Variants in OR6P1 observed in about 807,000 individuals in gnomAD.
OR6P1 encodes olfactory receptor family 6 subfamily P member 1.
Under a neutral mutation model 6.6 loss-of-function variants are expected in OR6P1, and 5 were observed. The ratio of observed to expected loss-of-function variants is 0.76; its 90% CI spans 0.40 to 1.60. The LOEUF (loss-of-function observed/expected upper bound fraction) is 1.60. OR6P1 is among the 40% of genes most tolerant of loss of function. The pLI, the probability that OR6P1 is intolerant of heterozygous loss-of-function variation, is 0.02. For missense variants in OR6P1, 451 were observed against 383.0 expected (o/e 1.18, Z -1.48); for synonymous variants, 177 against 149.6 (o/e 1.18, Z -1.33).
Position 158,562,693 on chromosome 1 carries a change from T to A in OR6P1, c.912A>T (p.Thr304=). The change falls in exon 3 of 3, where the codon ACA becomes ACT. Residue 304 remains threonine, a synonymous_variant. Coordinates refer to ENST00000641540, the MANE Select transcript of OR6P1 (RefSeq NM_001160325.2). ...NKEVKEAFRK[T]VMGRCHYPRD... is the part of the protein sequence containing the mutation. ...TAGGATAGTGACATCTGCCCATCAC[T>A]GTCTTCCTGAAGGCCTCCTTCACCT... 6.4e-7 allele frequency: 1 copy of A among 1,558,758 alleles called. No homozygotes were observed. Among genetic ancestry groups the A allele is most frequent in the African/African-American group, 1.4e-5 (1 of 73,458 alleles).
chr1:158,562,393 C>T lies in OR6P1; in HGVS notation c.*258G>A, dbSNP rs10489836. 0.023 allele frequency: 10,601 copies of T among 456,536 alleles called. 156 individuals carry two copies. The highest frequency in any genetic ancestry group is 0.035 in the Middle Eastern group (56 of 1,606). 28.3% of individuals were successfully genotyped at this position (456,536 alleles called of 1,614,324 possible). A position where few individuals can be genotyped will look rare whatever the true frequency, so the allele number is the denominator to read the frequency against. ...CATTCCACACATACTCAGTAAGACT[C>T]TCCACATATTTTTTTGGGGGAATCT... is the stretch of plus-strand genomic sequence containing the variant. On this transcript the variant is annotated 3_prime_UTR_variant, in exon 3 of 3. Coordinates refer to ENST00000641540, the MANE Select transcript of OR6P1 (RefSeq NM_001160325.2).
Position 158,563,088 on chromosome 1 carries a change from T to A in OR6P1, c.517A>T (p.Ile173Phe), listed in dbSNP as rs1022389222. The A allele has an allele frequency of 7.1e-6, 11 of 1,551,738 alleles. No individual in the cohort carries two copies. Among genetic ancestry groups the A allele is most frequent in the Non-Finnish European group, 8.7e-6 (10 of 1,147,016 alleles). ...ATATCACAGAAAAAGTGGTTGATAA[T>A]GTTGGGTCCACAGTAGGACAATTGG... ...ISQLSYCGPN[I>F]INHFFCDISP... The change falls in exon 3 of 3, where the codon ATT becomes TTT. Residue 173 changes from isoleucine (I) to phenylalanine (F), a missense_variant. Ile to Phe is a conservative substitution (Grantham distance 21). Coordinates refer to ENST00000641540, the MANE Select transcript of OR6P1 (RefSeq NM_001160325.2).
At position 158,561,138 on chromosome 1, in the gene OR6P1, G is replaced by C. The variant is rs1647941401; in HGVS notation, c.*1513C>G. ...TCAAAGAGAAACTAAGAGCAGAGAT[G>C]TAAAGTTTCTTGCCTATGATCACAT... is the stretch of plus-strand genomic sequence containing the variant. On this transcript the variant is annotated 3_prime_UTR_variant, in exon 3 of 3. Coordinates refer to ENST00000641540, the MANE Select transcript of OR6P1 (RefSeq NM_001160325.2). The C allele has an allele frequency of 6.6e-6, 1 of 152,154 alleles. No individual in the cohort carries two copies. The highest frequency in any genetic ancestry group is 1.5e-5 in the Non-Finnish European group (1 of 68,008). 9.4% of individuals were successfully genotyped at this position (152,154 alleles called of 1,614,324 possible).
Position 158,563,486 on chromosome 1 carries a change from A to C in OR6P1, c.119T>G (p.Leu40Trp). Residue 40 changes from leucine (L) to tryptophan (W), a missense_variant, in exon 3 of 3, where the codon TTG becomes TGG. By Grantham distance (61) the Leu-to-Trp change is moderately conservative. Transcript: ENST00000641540. ...LFFAIYLLTL[L>W]ENALIVFTIW... is the part of the protein sequence containing the mutation. ...TGTGAAGACAATAAGTGCATTCTCC[A>C]ACAATGTCAGAAGGTAAATTGCAAA... 2 of 1,551,502 alleles carry C rather than the reference A, an allele frequency of 1.3e-6. No homozygotes were observed. Among genetic ancestry groups the C allele is most frequent in the Non-Finnish European group, 1.7e-6 (2 of 1,146,928 alleles).
chr1:158,565,326 C>A (rs188773934), intron 2 of OR6P1, among the ~76,000 whole-genome samples: 1 of 152,094 alleles, frequency 6.6e-6, no homozygotes, highest in South Asian at 2.1e-4. Flanking sequence ...AATATCAGTG[C>A]TATGGTAATG....
At chr1:158,565,814 T>G (rs1483050621) in intron 2 of OR6P1, among the ~76,000 whole-genome samples, 1 of 152,220 alleles carries the variant, frequency 6.6e-6, no homozygotes, top group African/African-American at 2.4e-5. Context: ...GTGATATTGA[T>G]GTACCATAGC....
In OR6P1 at chr1:158,568,879, G is replaced by A. The variant is rs943357025; in HGVS notation, c.-118+1563C>T. On this transcript the variant is annotated intron_variant, in intron 1 of 2. Coordinates refer to ENST00000641540, the MANE Select transcript of OR6P1 (RefSeq NM_001160325.2). ...CTATGGGGTAGCTATGTACCTTCCT[G>A]GATTTGTCCTCCTTGGTAGCAGAGA... Among the ~76,000 whole-genome samples, 19 of 152,116 alleles carry A rather than the reference G, an allele frequency of 1.2e-4. 1 individual carries two copies. The highest frequency in any genetic ancestry group is 7.4e-5 in the Non-Finnish European group (5 of 67,988).
At chr1:158,564,401 G>A (rs1221013007) in intron 2 of OR6P1, among the ~76,000 whole-genome samples, 2 of 151,730 alleles carry the variant, frequency 1.3e-5, no homozygotes, top group African/African-American at 2.4e-5. Context: ...TGAGATGGAG[G>A]GCTTATCCTG....
rs1647992818 is a variant in OR6P1 at position 158,562,918 on chromosome 1, A to G, written c.687T>C (p.Pro229=). 2 of 1,551,758 alleles carry G rather than the reference A, an allele frequency of 1.3e-6. No individual in the cohort carries two copies. Among genetic ancestry groups the G allele is most frequent in the South Asian group, 1.2e-5 (1 of 84,058 alleles). Residue 229 remains proline, a synonymous_variant, in exon 3 of 3, where the codon CCT becomes CCC. Coordinates refer to ENST00000641540, the MANE Select transcript of OR6P1 (RefSeq NM_001160325.2). ...TAIIAAILRI[P]TSRGRHKAFS... Reference sequence around the variant, plus strand: ...AGGCTTTGTGGCGTCCCCTGGACGTAGGGATCCTCAGGATGGCTGCAATGA... The same window carrying G: ...AGGCTTTGTGGCGTCCCCTGGACGTGGGGATCCTCAGGATGGCTGCAATGA...
At chr1:158,567,094 A>G (rs1403011527) in intron 1 of OR6P1, among the ~76,000 whole-genome samples, 1 of 151,538 alleles carries the variant, frequency 6.6e-6, no homozygotes, top group African/African-American at 2.4e-5. Context: ...CCACAATGAG[A>G]TACCATCTCA....
chr1:158,568,945 G>C (rs1648174812), intron 1 of OR6P1, among the ~76,000 whole-genome samples: 1 of 152,056 alleles, frequency 6.6e-6, no homozygotes, highest in Non-Finnish European at 1.5e-5. Context: ...CATTGCTTTG[G>C]CCATAATACA....
chr1:158,569,881 T>G (rs927378611), intron 1 of OR6P1, among the ~76,000 whole-genome samples: 6 of 152,212 alleles, frequency 3.9e-5, no homozygotes, highest in South Asian at 4.1e-4. Flanking sequence ...TAAATGTCCA[T>G]GGTTATAGCC....
At chr1:158,566,047 T>G (rs1648089834) in intron 2 of OR6P1, among the ~76,000 whole-genome samples, 1 of 152,190 alleles carries the variant, frequency 6.6e-6, no homozygotes, top group Non-Finnish European at 1.5e-5. Flanking sequence ...GCCATTTACT[T>G]TCTCAACACT....
At chr1:158,564,023 T>C (rs1368536711) in intron 2 of OR6P1, among the ~76,000 whole-genome samples, 1 of 152,158 alleles carries the variant, frequency 6.6e-6, no homozygotes, top group African/African-American at 2.4e-5. Flanking sequence ...AGCTAGAGCC[T>C]ACAAGCTTAT....
rs576264574 is a variant in OR6P1, at chr1:158,563,587, T to G, written c.18A>C (p.Gly6=). 10 of 1,540,472 alleles carry G rather than the reference T, an allele frequency of 6.5e-6. No individual in the cohort carries two copies. In the African/African-American group the frequency reaches 1.1e-4, roughly 17 times the overall value. ...CCAAGACAAACTCCTCGACATGGCC[T>G]CCACTCAAATTTCTCATGGCTCTCT... MRNLS[G]GHVEEFVLVG... is the part of the protein sequence containing the mutation. The change falls in exon 3 of 3, where the codon GGA becomes GGC. Residue 6 remains glycine (G), a synonymous_variant. Transcript: ENST00000641540.
rs553951132 is a variant in OR6P1 at position 158,564,785 on chromosome 1, G to C, written c.-22-1159C>G. On this transcript the variant is annotated intron_variant, in intron 2 of 2. Coordinates refer to ENST00000641540, the MANE Select transcript of OR6P1 (RefSeq NM_001160325.2). ...TGGCAGTTTGTTACAGTAGCCATGG[G>C]AAACTGATGCAACTGGTGAGGCAGG... is the stretch of plus-strand genomic sequence containing the variant. 3.3e-5 allele frequency among the ~76,000 whole-genome samples: 5 copies of C among 152,316 alleles called. No homozygotes were observed. In the South Asian group the frequency reaches 1.0e-3, roughly 32 times the overall value.
At chr1:158,570,351 C>T (rs1427968506) in intron 1 of OR6P1, 91 bp downstream of exon 1, 1 of 152,178 alleles carries the variant, frequency 6.6e-6, no homozygotes, top group Non-Finnish European at 1.5e-5. Context: ...ATTTTAAGCA[C>T]ATTTTATATC....
At position 158,563,165 on chromosome 1, in the gene OR6P1, G is replaced by A. The variant is rs964411023; in HGVS notation, c.440C>T (p.Ala147Val). ...PSSLATRLAA[A>V]SWGSGFFSSM... is the part of the protein sequence containing the mutation. ...GCTGAAGAAGCCACTGCCCCAAGAG[G>A]CAGCAGCAAGGCGAGTGGCCAGACT... Residue 147 changes from alanine to valine, a missense_variant, in exon 3 of 3, where the codon GCC (alanine) becomes GTC (valine). Coordinates refer to ENST00000641540, the MANE Select transcript of OR6P1 (RefSeq NM_001160325.2). The A allele has an allele frequency of 4.5e-6, 7 of 1,551,406 alleles. No individual in the cohort carries two copies. Among genetic ancestry groups the A allele is most frequent in the Non-Finnish European group, 6.1e-6 (7 of 1,146,950 alleles).
chr1:158,561,345 T>C lies in OR6P1; in HGVS notation c.*1306A>G, dbSNP rs1230533195. On this transcript the variant is annotated 3_prime_UTR_variant, in exon 3 of 3. Transcript: ENST00000641540. ...TATGAAAACAAAACAACTTAAACTG[T>C]TTTAAGTATCAGATCTTTTATTGTT... 3 of 152,182 alleles carry C rather than the reference T, an allele frequency of 2.0e-5. No homozygotes were observed. In the Middle Eastern group the frequency reaches 9.5e-3, roughly 482 times the overall value. 9.4% of individuals were successfully genotyped at this position (152,182 alleles called of 1,614,324 possible). A position where few individuals can be genotyped will look rare whatever the true frequency, so the allele number is the denominator to read the frequency against.
Sources: allele counts gnomAD v4.1 joint callset (sites outside exome capture counted in the v4.1 genomes callset), GRCh38; gene constraint gnomAD v4.1.1; transcripts MANE v1.5; gene names NCBI Gene and HGNC (gene_info 2026-07-23, HGNC 2026-07-21).